CATSPERB: variants seen among roughly 807,000 people sequenced by gnomAD.
The protein encoded by CATSPERB is catsper channel auxiliary subunit beta.
Under a neutral mutation model 128.3 loss-of-function variants are expected in CATSPERB, and 93 were observed. That is an observed-to-expected ratio of 0.72 (90% CI 0.61 to 0.86). The LOEUF is 0.86. CATSPERB is among the 40% of genes least tolerant of loss of function. The pLI is 0.00. For missense variants in CATSPERB, 1,153 were observed against 1,329.5 expected, an observed-to-expected ratio of 0.87 and a Z score of 2.06; for synonymous variants, 381 against 448.8, an observed-to-expected ratio of 0.85 and a Z score of 1.91.
At chr14:91,609,146 C>T (rs973250977) in intron 21 of CATSPERB, among the ~76,000 whole-genome samples, 1 of 151,896 alleles carries the variant, frequency 6.6e-6, no homozygotes, top group Non-Finnish European at 1.5e-5. Flanking sequence ...GTCTGAAATC[C>T]AGGGAAACTG....
intron 14 of CATSPERB, among the ~76,000 whole-genome samples, chr14:91,665,094 T>C (rs117266684): frequency 2.9e-4 from 44 of 152,272 alleles, no homozygotes; most frequent in Non-Finnish European, 5.6e-4. Flanking sequence ...GGTTTTGGCA[T>C]GTTGCCCAAG....
At chr14:91,660,407 A>T (rs773688860) in intron 14 of CATSPERB, among the ~76,000 whole-genome samples, 2 of 152,188 alleles carry the variant, frequency 1.3e-5, no homozygotes, top group Non-Finnish European at 2.9e-5. Context: ...ATATGCACAC[A>T]TATTTTGCAT....
At chr14:91,691,499 C>T (rs774238271) in intron 10 of CATSPERB, 24 bp downstream of exon 10, 83 of 1,576,962 alleles carry the variant, frequency 5.3e-5, no homozygotes, top group Non-Finnish European at 6.7e-5. Flanking sequence ...TCTAACCAGC[C>T]CTGGGAAATA....
At chr14:91,589,751 T>C (rs1893365244) in intron 23 of CATSPERB, 82 bp from the exon 24 acceptor site, 8 of 1,334,526 alleles carry the variant, frequency 6.0e-6, no homozygotes, top group African/African-American at 1.5e-5. Flanking sequence ...CGAAAAGATA[T>C]ATTGCCAATA....
intron 15 of CATSPERB, among the ~76,000 whole-genome samples, chr14:91,652,670 C>CAAAAAAAAAAAAAA (rs58608847): frequency 2.9e-5 from 2 of 69,212 alleles, no homozygotes; most frequent in Non-Finnish European, 5.0e-5. Context: ...GACTCTGTCT[C>CAAAAAAAAAAAAAA]AAAAAAAAAA....
At chr14:91,584,975 CTTTA>C (rs2139754180) in intron 26 of CATSPERB, among the ~76,000 whole-genome samples, 1 of 151,784 alleles carries the variant, frequency 6.6e-6, no homozygotes, top group Admixed American at 6.6e-5. Context: ...GCTTTTCCGT[CTTTA>C]TTTCTTTCCT....
intron 5 of CATSPERB, among the ~76,000 whole-genome samples, chr14:91,712,419 T>C (rs1410725601): frequency 6.6e-6 from 1 of 152,162 alleles, no homozygotes; most frequent in Non-Finnish European, 1.5e-5. Context: ...AGTAAGATAA[T>C]TACTTACCCA....
rs75787173 is a variant in CATSPERB, at chr14:91,623,303, C to G, written c.1931-1366G>C. ...GGAGAGGGGCCTCTCCTTCTTGAAA[C>G]ACCTTCCTCACCTGGTTTGACACAC... On this transcript the variant is annotated intron_variant, in intron 18 of 26. Transcript: ENST00000256343. Among the ~76,000 whole-genome samples the G allele has an allele frequency of 4.6e-5, 7 of 152,226 alleles. No individual in the cohort carries two copies. In the East Asian group the frequency reaches 1.2e-3, roughly 25 times the overall value.
chr14:91,726,246 T>C (rs1397165), intron 2 of CATSPERB, among the ~76,000 whole-genome samples: 147,400 of 152,316 alleles, frequency 0.97, 71,386 homozygotes, highest in East Asian at 1. Flanking sequence ...AAGGCTAAGA[T>C]GGTGCACTGT....
chr14:91,637,986 T>G (rs995508884), intron 16 of CATSPERB, among the ~76,000 whole-genome samples: 1 of 152,170 alleles, frequency 6.6e-6, no homozygotes, highest in African/African-American at 2.4e-5. Context: ...GAGTCACATG[T>G]GGCATCTTAA....
At chr14:91,621,961 T>C (rs1306675157) in intron 18 of CATSPERB, 24 bp from the exon 19 acceptor site, 1 of 1,478,182 alleles carries the variant, frequency 6.8e-7, no homozygotes, top group Non-Finnish European at 9.1e-7. Context: ...AGAAGAGACT[T>C]GGTATTAAAT....
chr14:91,691,912 C>G (rs1895477978), intron 9 of CATSPERB, among the ~76,000 whole-genome samples: 1 of 152,134 alleles, frequency 6.6e-6, no homozygotes, highest in South Asian at 2.1e-4. Context: ...GGCACGGTGG[C>G]TCACACCTGT....
At chr14:91,686,530 C>T (rs1475771345) in intron 10 of CATSPERB, among the ~76,000 whole-genome samples, 1 of 151,936 alleles carries the variant, frequency 6.6e-6, no homozygotes, top group Non-Finnish European at 1.5e-5. Context: ...CACTTTTTCC[C>T]CTCCCTCCAC....
intron 7 of CATSPERB, among the ~76,000 whole-genome samples, chr14:91,697,752 ACC>A (rs1429115909): frequency 6.6e-6 from 1 of 152,132 alleles, no homozygotes; most frequent in African/African-American, 2.4e-5. Flanking sequence ...CTGGTTTTGT[ACC>A]AGTGCCATGC....
intron 10 of CATSPERB, among the ~76,000 whole-genome samples, chr14:91,690,184 C>A (rs1454181634): frequency 6.6e-6 from 1 of 152,024 alleles, no homozygotes; most frequent in African/African-American, 2.4e-5. Flanking sequence ...GTAGAGACAG[C>A]ATTTCGTCAT....
At chr14:91,615,390 T>A (rs533586051) in intron 20 of CATSPERB, among the ~76,000 whole-genome samples, 7 of 152,194 alleles carry the variant, frequency 4.6e-5, no homozygotes, top group Non-Finnish European at 8.8e-5. Flanking sequence ...GGAAAAACTG[T>A]CCTCCATGAA....
At chr14:91,605,149 G>A (rs1048214818) in intron 22 of CATSPERB, 97 of 1,352,020 alleles carry the variant, frequency 7.2e-5, no homozygotes, top group African/African-American at 4.7e-4. Flanking sequence ...GCAGATCCAC[G>A]GAGGAAGGAA....
intron 15 of CATSPERB, among the ~76,000 whole-genome samples, chr14:91,656,699 C>G (rs1239128407): frequency 6.6e-6 from 1 of 151,982 alleles, no homozygotes; most frequent in Non-Finnish European, 1.5e-5. Flanking sequence ...ACTCTCCAAT[C>G]AAAAGACATA....
chr14:91,673,084 C>G, intron 12 of CATSPERB, 68 bp from the exon 13 acceptor site: 2 of 1,306,296 alleles, frequency 1.5e-6, no homozygotes, highest in Non-Finnish European at 2.1e-6. Flanking sequence ...CTTAGTGAAA[C>G]TAGCCCACTT....
Sources: gnomAD v4.1 joint callset for allele counts (sites outside exome capture counted in the v4.1 genomes callset) on GRCh38, gnomAD v4.1.1 for gene constraint, MANE v1.5 for transcripts, NCBI Gene and HGNC (gene_info 2026-07-23, HGNC 2026-07-21) for gene names.